The following ADAM23 variants were observed in gnomAD, a reference collection of about 807,000 sequenced individuals.
ADAM23 encodes the protein disintegrin and metalloproteinase domain-containing protein 23.
In ADAM23, 33 loss-of-function variants were observed where a neutral mutation model predicts 120.1. The ratio of observed to expected loss-of-function variants is 0.27; its 90% CI spans 0.21 to 0.37. ADAM23 has a LOEUF of 0.37. ADAM23 is among the 10% of genes least tolerant of loss of function. ADAM23 has a pLI of 1.00. For missense variants in ADAM23, 862 were observed against 1,058.2 expected, an observed-to-expected ratio of 0.81 and a Z score of 2.57; for synonymous variants, 367 against 375.2, an observed-to-expected ratio of 0.98 and a Z score of 0.25.
At chr2:206,474,239 G>T (rs1388522715) in intron 2 of ADAM23, among the ~76,000 whole-genome samples, 1 of 152,118 alleles carries the variant, frequency 6.6e-6, no homozygotes, top group Non-Finnish European at 1.5e-5. Flanking sequence ...ACCCTAATTT[G>T]CAGAACCGCC....
intron 3 of ADAM23, among the ~76,000 whole-genome samples, chr2:206,496,158 A>G (rs1001685692): frequency 6.6e-6 from 1 of 152,194 alleles, no homozygotes; most frequent in East Asian, 1.9e-4. Context: ...GACCTAATAG[A>G]CATCTACAGA....
At chr2:206,479,019 G>A (rs540034898) in intron 2 of ADAM23, among the ~76,000 whole-genome samples, 27 of 152,248 alleles carry the variant, frequency 1.8e-4, no homozygotes, top group East Asian at 1.2e-3. Context: ...CTTAGAGGGC[G>A]GAAGCTGTGT....
In ADAM23 at chr2:206,494,900, G is replaced by A. The variant is rs558352474; in HGVS notation, c.509+13592G>A. ...ATCAACTGGAAGAAAGGGTATCAGC[G>A]ATGGAAGACAAAATGAATGAAATGA... On this transcript the variant is annotated intron_variant, in intron 3 of 25. Coordinates refer to ENST00000264377, the MANE Select transcript of ADAM23 (RefSeq NM_003812.4). Among the ~76,000 whole-genome samples, 167 of 152,292 alleles carry A rather than the reference G, an allele frequency of 1.1e-3. 1 individual carries two copies. The highest frequency in any genetic ancestry group is 1.9e-3 in the Non-Finnish European group (129 of 68,020).
chr2:206,542,232 G>T (rs1697306170), intron 5 of ADAM23, 98 bp downstream of exon 5: 1 of 1,181,932 alleles, frequency 8.5e-7, no homozygotes, highest in Admixed American at 1.8e-5. Context: ...CCAGTGCTGT[G>T]TTAGGGACTG....
At chr2:206,498,851 A>G (rs1409364072) in intron 3 of ADAM23, among the ~76,000 whole-genome samples, 2 of 152,234 alleles carry the variant, frequency 1.3e-5, no homozygotes, top group South Asian at 4.1e-4. Flanking sequence ...ATGAACAGAC[A>G]TTTCTCAAAA....
At chr2:206,527,517 G>A (rs1278757403) in intron 3 of ADAM23, among the ~76,000 whole-genome samples, 1 of 152,234 alleles carries the variant, frequency 6.6e-6, no homozygotes, top group Non-Finnish European at 1.5e-5. Context: ...TTCAGTTGAT[G>A]TAATTCACTC....
rs1696693736 is a variant in ADAM23, at chr2:206,514,651, G to T, written c.510-16234G>T. ...TGACTCCAATTTTGAAAGAAGTTCT[G>T]CTGCGGGTAAAATGCTGTCACACAG... On this transcript the variant is annotated intron_variant, in intron 3 of 25. Transcript: ENST00000264377. 2.0e-5 allele frequency among the ~76,000 whole-genome samples: 3 copies of T among 152,220 alleles called. No homozygotes were observed. The South Asian group carries it at 6.2e-4, about 31-fold the overall frequency.
chr2:206,478,625 G>T (rs1224874874), intron 2 of ADAM23, among the ~76,000 whole-genome samples: 1 of 152,122 alleles, frequency 6.6e-6, no homozygotes, highest in Non-Finnish European at 1.5e-5. Context: ...ACATGTTCTT[G>T]TTTGCGATCA....
intron 15 of ADAM23, among the ~76,000 whole-genome samples, chr2:206,569,294 A>G (rs796228322): frequency 4.8e-4 from 73 of 152,356 alleles, no homozygotes; most frequent in African/African-American, 1.6e-3. Flanking sequence ...TAACTTGGAA[A>G]TGAAATAAAA....
At chr2:206,552,667 T>C (rs1697555371) in intron 9 of ADAM23, among the ~76,000 whole-genome samples, 1 of 152,098 alleles carries the variant, frequency 6.6e-6, no homozygotes, top group Non-Finnish European at 1.5e-5. Context: ...ATTATTATTA[T>C]TGTTATTATT....
At chr2:206,479,377 A>G (rs1178237620) in intron 2 of ADAM23, among the ~76,000 whole-genome samples, 1 of 152,144 alleles carries the variant, frequency 6.6e-6, no homozygotes, top group Non-Finnish European at 1.5e-5. Context: ...AAGGAGGTAT[A>G]TTTATCAGCT....
At position 206,620,713 on chromosome 2, in the gene ADAM23, GC is replaced by G; in HGVS notation, c.*3089del. 6.6e-6 allele frequency: 1 copy of G among 152,182 alleles called. No homozygotes were observed. The highest frequency in any genetic ancestry group is 2.1e-4 in the South Asian group (1 of 4,820). The allele number at this position is 152,182 out of a possible 1,614,324, so 9.4% of individuals were successfully genotyped here. ...ATTGCTCATCTGGGATAGTGCATGA[GC>G]CCATTGAATTAGAGCTGCTCCTACT... On this transcript the variant is annotated 3_prime_UTR_variant, in exon 26 of 26. Coordinates refer to ENST00000264377, the MANE Select transcript of ADAM23 (RefSeq NM_003812.4).
At position 206,478,507 on chromosome 2, in the gene ADAM23, T is replaced by TATGATGATG. The variant is rs58463126; in HGVS notation, c.433-2697_433-2689dup. On this transcript the variant is annotated intron_variant, in intron 2 of 25. Transcript: ENST00000264377. Reference sequence around the variant, plus strand: ...TGTTAAGATGTTTGAATCATAATGATATGATGATGATGATGATGATGATGA... The same window carrying TATGATGATG: ...TGTTAAGATGTTTGAATCATAATGATATGATGATGATGATGATGATGATGATGATGATGA... Among the ~76,000 whole-genome samples the TATGATGATG allele has an allele frequency of 6.4e-3, 969 of 150,526 alleles. 4 individuals carry two copies. Among genetic ancestry groups the TATGATGATG allele is most frequent in the Non-Finnish European group, 9.1e-3 (619 of 67,688 alleles).
chr2:206,501,400 A>C (rs1477294967), intron 3 of ADAM23, among the ~76,000 whole-genome samples: 1 of 151,962 alleles, frequency 6.6e-6, no homozygotes, highest in Non-Finnish European at 1.5e-5. Context: ...TTGCACTTAA[A>C]GCAACTCACT....
At chr2:206,512,010 T>C (rs1445687397) in intron 3 of ADAM23, among the ~76,000 whole-genome samples, 4 of 152,184 alleles carry the variant, frequency 2.6e-5, no homozygotes, top group African/African-American at 4.8e-5. Flanking sequence ...TTCTGTTAAC[T>C]AGGAACATTC....
chr2:206,524,969 C>T (rs1696914076), intron 3 of ADAM23, among the ~76,000 whole-genome samples: 1 of 152,170 alleles, frequency 6.6e-6, no homozygotes, highest in South Asian at 2.1e-4. Context: ...CCAACCTGAC[C>T]TTCCATGTAG....
Position 206,587,318 on chromosome 2 carries a change from T to G in ADAM23, c.1738-7T>G, listed in dbSNP as rs1441058871. On this transcript the variant is annotated splice_region_variant and splice_polypyrimidine_tract_variant and intron_variant, in intron 18 of 25. Coordinates refer to ENST00000264377, the MANE Select transcript of ADAM23 (RefSeq NM_003812.4). ...TGAATATTAACTAAAAAGATAATAT[T>G]TTGCAGTGCCCACCAAATCTTCATA... is the stretch of plus-strand genomic sequence containing the variant. The G allele has an allele frequency of 6.2e-7, 1 of 1,602,436 alleles. No individual in the cohort carries two copies. Among genetic ancestry groups the G allele is most frequent in the South Asian group, 1.1e-5 (1 of 89,298 alleles).
At chr2:206,540,985 A>C (rs1398795092) in intron 4 of ADAM23, among the ~76,000 whole-genome samples, 1 of 148,040 alleles carries the variant, frequency 6.8e-6, no homozygotes, top group Non-Finnish European at 1.5e-5. Context: ...AATAATAAAA[A>C]TTTATTATTA....
chr2:206,608,142 G>T, intron 24 of ADAM23: 1 of 286,860 alleles, frequency 3.5e-6, no homozygotes. Context: ...AAGGCCAGAT[G>T]GTAAATAGTT....
Sources: allele counts gnomAD v4.1 joint callset (sites outside exome capture counted in the v4.1 genomes callset), GRCh38; gene constraint gnomAD v4.1.1; transcripts MANE v1.5; gene names NCBI Gene and HGNC (gene_info 2026-07-23, HGNC 2026-07-21).